Variants in VRK2 observed in about 807,000 individuals in gnomAD.
The protein encoded by VRK2 is VRK serine/threonine kinase 2.
In VRK2, 60 loss-of-function variants were observed where a neutral mutation model predicts 57.6. The ratio of observed to expected loss-of-function variants is 1.04; its 90% CI spans 0.85 to 1.29. The LOEUF (loss-of-function observed/expected upper bound fraction) is 1.29. VRK2 is among the 50% of genes most tolerant of loss of function. The pLI is 0.00. For synonymous variants in VRK2, 231 were observed against 199.2 expected (o/e 1.16, Z -1.35); for missense variants, 705 against 588.1 (o/e 1.20, Z -2.06).
intron 1 of VRK2, among the ~76,000 whole-genome samples, chr2:57,921,524 C>A (rs1006118395): frequency 6.6e-6 from 1 of 151,928 alleles, no homozygotes; most frequent in African/African-American, 2.4e-5. Context: ...ATTTTCCCAG[C>A]AATGTCTGAA....
At chr2:57,924,562 A>C (rs980098191) in intron 1 of VRK2, among the ~76,000 whole-genome samples, 1 of 151,896 alleles carries the variant, frequency 6.6e-6, no homozygotes, top group East Asian at 1.9e-4. Context: ...TTGTATGTTG[A>C]TCTTGTATTC....
intron 12 of VRK2, among the ~76,000 whole-genome samples, chr2:58,147,535 C>G (rs991157858): frequency 6.6e-6 from 1 of 151,750 alleles, no homozygotes; most frequent in East Asian, 1.9e-4. Flanking sequence ...CCAAAATCAC[C>G]TGGTGTACAG....
chr2:58,001,226 AAT>A (rs776542983), intron 1 of VRK2, among the ~76,000 whole-genome samples: 7 of 152,224 alleles, frequency 4.6e-5, no homozygotes, highest in Non-Finnish European at 5.9e-5. Context: ...CATGAAGAAT[AAT>A]CAGGTTTCAA....
At chr2:58,112,886 G>T (rs1675784018) in intron 7 of VRK2, among the ~76,000 whole-genome samples, 1 of 152,194 alleles carries the variant, frequency 6.6e-6, no homozygotes, top group Non-Finnish European at 1.5e-5. Flanking sequence ...AAGTCTTTTA[G>T]GTAATCTCTT....
chr2:58,021,935 C>G (rs192030452), intron 1 of VRK2, among the ~76,000 whole-genome samples: 1 of 152,022 alleles, frequency 6.6e-6, no homozygotes, highest in African/African-American at 2.4e-5. Flanking sequence ...TACTTCATAC[C>G]CTGTTTAGGT....
At chr2:57,957,352 C>T (rs1572903995) in intron 1 of VRK2, among the ~76,000 whole-genome samples, 1 of 152,022 alleles carries the variant, frequency 6.6e-6, no homozygotes, top group Non-Finnish European at 1.5e-5. Context: ...CTGAAACCAA[C>T]ATTAGATTGT....
chr2:58,091,221 A>G (rs186475691), intron 7 of VRK2, among the ~76,000 whole-genome samples: 55 of 152,230 alleles, frequency 3.6e-4, no homozygotes, highest in African/African-American at 1.3e-3. Context: ...TTTGGATGAT[A>G]AGGATTGTCA....
chr2:57,929,016 T>C (rs1383755604), intron 1 of VRK2, among the ~76,000 whole-genome samples: 5 of 152,198 alleles, frequency 3.3e-5, no homozygotes, highest in South Asian at 4.1e-4. Context: ...AAAGCCACCA[T>C]GGTCTGTGTC....
upstream of VRK2, among the ~76,000 whole-genome samples, chr2:58,042,159 T>C (rs1052262375): frequency 6.6e-6 from 1 of 152,304 alleles, no homozygotes; most frequent in Admixed American, 6.5e-5. Context: ...CATATTGATA[T>C]GACATTTTAA....
At chr2:57,935,044 G>A (rs1477745494) in intron 1 of VRK2, among the ~76,000 whole-genome samples, 1 of 152,052 alleles carries the variant, frequency 6.6e-6, no homozygotes, top group Admixed American at 6.5e-5. Context: ...CAATTATTTT[G>A]AATTCTTTAT....
chr2:58,108,784 GC>G (rs1421762088), intron 7 of VRK2, among the ~76,000 whole-genome samples: 1 of 152,098 alleles, frequency 6.6e-6, no homozygotes, highest in East Asian at 1.9e-4. Context: ...ATGTGCTTAT[GC>G]CATCTCCCTT....
chr2:58,147,722 G>T (rs1013709444), intron 12 of VRK2, among the ~76,000 whole-genome samples: 3 of 150,958 alleles, frequency 2.0e-5, no homozygotes, highest in Admixed American at 2.0e-4. Context: ...CACTAGATTA[G>T]ATTTGCCTCT....
At chr2:57,922,127 A>G (rs1231920078) in intron 1 of VRK2, among the ~76,000 whole-genome samples, 2 of 152,078 alleles carry the variant, frequency 1.3e-5, no homozygotes, top group African/African-American at 2.4e-5. Flanking sequence ...GAGGGGATTT[A>G]GATAAGTTGA....
At chr2:58,089,881 A>C (rs1413357269) in intron 7 of VRK2, among the ~76,000 whole-genome samples, 158 bp downstream of exon 7, 1 of 152,220 alleles carries the variant, frequency 6.6e-6, no homozygotes, top group African/African-American at 2.4e-5. Flanking sequence ...TCTTTGTACC[A>C]AACTAATGAG....
At chr2:58,009,115 TCCTGAATTTTGTAGGGGAC>T (rs1195283321) in intron 1 of VRK2, among the ~76,000 whole-genome samples, 2 of 152,168 alleles carry the variant, frequency 1.3e-5, no homozygotes, top group African/African-American at 4.8e-5. Flanking sequence ...CATTGGCAAC[TCCTGAATTTTGTAGGGGAC>T]ACTTTGAAAT....
intron 12 of VRK2, among the ~76,000 whole-genome samples, chr2:58,153,059 C>T (rs1001729740): frequency 1.3e-5 from 2 of 152,006 alleles, no homozygotes; most frequent in Non-Finnish European, 2.9e-5. Flanking sequence ...TATAGTGACA[C>T]TCTCTTCCCA....
intron 1 of VRK2, among the ~76,000 whole-genome samples, chr2:58,003,958 A>C (rs577259850): frequency 3.3e-5 from 5 of 152,242 alleles, no homozygotes; most frequent in Admixed American, 3.3e-4. Context: ...TACTTGCACT[A>C]TTTAGAACAG....
Position 58,131,743 on chromosome 2 carries a change from A to G in VRK2, c.677-65A>G. 2.0e-6 allele frequency: 3 copies of G among 1,488,696 alleles called. No individual in the cohort carries two copies. The Admixed American group carries it at 7.5e-5, about 37-fold the overall frequency. The allele number at this position is 1,488,696 out of a possible 1,614,324, so 92.2% of individuals were successfully genotyped here. A position where few individuals can be genotyped will look rare whatever the true frequency, so the allele number is the denominator to read the frequency against. On this transcript the variant is annotated intron_variant, in intron 8 of 12. Coordinates refer to ENST00000340157, the MANE Select transcript of VRK2 (RefSeq NM_006296.7). ...ATTTCATCAGTAGTAGTTCAACCAAAGATTTCTCCATTTCTCAAGGACTTG... is the reference window on the plus strand; with the variant it reads ...ATTTCATCAGTAGTAGTTCAACCAAGGATTTCTCCATTTCTCAAGGACTTG...
chr2:58,077,801 A>T (rs1340920666), intron 2 of VRK2, among the ~76,000 whole-genome samples: 2 of 152,072 alleles, frequency 1.3e-5, no homozygotes, highest in African/African-American at 4.8e-5. Context: ...GGCCAACAAT[A>T]CCATGTAGAA....
Sources: gnomAD v4.1 joint callset for allele counts (sites outside exome capture counted in the v4.1 genomes callset) on GRCh38, gnomAD v4.1.1 for gene constraint, MANE v1.5 for transcripts, NCBI Gene and HGNC (gene_info 2026-07-23, HGNC 2026-07-21) for gene names.